The following BTNL9 variants were observed in gnomAD, a reference collection of about 807,000 sequenced individuals.
BTNL9 encodes butyrophilin like 9, also known as butyrophilin-like protein 9.
A neutral mutation model predicts 45.8 loss-of-function variants in BTNL9; 45 were observed. That is an observed-to-expected ratio of 0.98 (90% CI 0.77 to 1.26). The LOEUF (loss-of-function observed/expected upper bound fraction) is 1.26. BTNL9 is among the 50% of genes most tolerant of loss of function. The pLI, the probability that BTNL9 is intolerant of heterozygous loss-of-function variation, is 0.00. For synonymous variants in BTNL9, 346 were observed against 330.8 expected (o/e 1.05, Z -0.50); for missense variants, 784 against 729.7 (o/e 1.07, Z -0.86).
chr5:181,047,894 G>T (rs745771603), intron 2 of BTNL9, 33 bp from the exon 3 acceptor site: 39 of 1,576,226 alleles, frequency 2.5e-5, no homozygotes, highest in Non-Finnish European at 3.3e-5. Context: ...TTGGATGAGG[G>T]TTGCTTTTGC....
rs767973902 is a variant in BTNL9, at chr5:181,053,450, C to G, written c.854-19C>G. ...GCGGGGGCGCGCACTCAGCCCTCTC[C>G]GCTCCCGTTTCCCTTCAGAAAAGCT... On this transcript the variant is annotated intron_variant, in intron 5 of 10. Transcript: ENST00000327705. The surrounding 1 kb of genome is among the most constrained non-coding windows in gnomAD (Gnocchi z 6.5). 60 of 1,562,416 alleles carry G rather than the reference C, an allele frequency of 3.8e-5. No homozygotes were observed. The highest frequency in any genetic ancestry group is 1.8e-4 in the Middle Eastern group (1 of 5,414).
chr5:181,053,017 CCG>C lies in BTNL9; in HGVS notation c.737-175_737-174del, dbSNP rs570719892. ...CCGCGGCGCGCCCCCGCCCCCTCCGCCGCGCGCGCCCCCGCCCCCTCCGCCGC... is the reference window on the plus strand; with the variant it reads ...CCGCGGCGCGCCCCCGCCCCCTCCGCCGCGCGCCCCCGCCCCCTCCGCCGC... On this transcript the variant is annotated intron_variant, in intron 4 of 10. Transcript: ENST00000327705. This position sits in a 1 kb window ranked among gnomAD's most constrained non-coding sequence, Gnocchi z 6.5. 0.013 allele frequency: 1,890 copies of C among 149,350 alleles called. 15 individuals are homozygous for C. The highest frequency in any genetic ancestry group is 0.016 in the Non-Finnish European group (1,306 of 79,162). The allele number at this position is 149,350 out of a possible 1,614,324, so 9.3% of individuals were successfully genotyped here.
chr5:181,054,986 C>A, intron 7 of BTNL9: 1 of 985,430 alleles, frequency 1.0e-6, no homozygotes, highest in Non-Finnish European at 1.2e-6. Flanking sequence ...ATGTTGGAGT[C>A]CTTGGTAATT....
intron 9 of BTNL9, chr5:181,056,518 GT>G: frequency 1.4e-6 from 1 of 717,040 alleles, no homozygotes. Flanking sequence ...CATTCAGTCT[GT>G]TTTTCCTCCT....
At chr5:181,056,130 A>G in intron 9 of BTNL9, 115 bp downstream of exon 9, 1 of 1,182,088 alleles carries the variant, frequency 8.5e-7, no homozygotes, top group Non-Finnish European at 1.3e-6. Flanking sequence ...GGCCTCACAC[A>G]GCATGTGTTA....
chr5:181,049,589 T>G (rs1173147325), intron 3 of BTNL9, among the ~76,000 whole-genome samples: 1 of 152,188 alleles, frequency 6.6e-6, no homozygotes, highest in Non-Finnish European at 1.5e-5. Context: ...GGATGGCGCT[T>G]TTTTCCTGAT....
At chr5:181,058,094 A>G (rs919060581) in intron 9 of BTNL9, among the ~76,000 whole-genome samples, 1 of 151,806 alleles carries the variant, frequency 6.6e-6, no homozygotes, top group Non-Finnish European at 1.5e-5. Context: ...TACATGCTCC[A>G]CTCTCCTGCT....
rs761211952 is a variant in BTNL9, at chr5:181,059,830, G to A, written c.1576G>A (p.Glu526Lys). ...CAGTGACACCTGGCTACAGCCCTAT[G>A]AGCCCGCGGACCCCGCCCTGGACTG... ...NDSDTWLQPY[E>K]PADPALDWW Residue 526 changes from glutamate to lysine, a missense_variant, in exon 11 of 11, where the codon GAG becomes AAG. By Grantham distance (56) the Glu-to-Lys change is moderately conservative (BLOSUM62 1). Coordinates refer to ENST00000327705, the MANE Select transcript of BTNL9 (RefSeq NM_152547.5). The A allele has an allele frequency of 4.4e-6, 7 of 1,589,608 alleles. No individual in the cohort carries two copies. The East Asian group carries it at 1.1e-4, about 26-fold the overall frequency.
chr5:181,058,686 C>T (rs1231014366), intron 10 of BTNL9, among the ~76,000 whole-genome samples: 1 of 152,084 alleles, frequency 6.6e-6, no homozygotes, highest in Non-Finnish European at 1.5e-5. Flanking sequence ...CCCAGATTCT[C>T]TGACGAAGGG....
intron 7 of BTNL9, chr5:181,054,518 G>T: frequency 1.0e-6 from 1 of 985,378 alleles, no homozygotes; most frequent in Non-Finnish European, 1.2e-6. Context: ...ATCATAAAAC[G>T]TTTACTGTCT....
intron 4 of BTNL9, among the ~76,000 whole-genome samples, chr5:181,051,496 C>T (rs1320015710): frequency 1.3e-5 from 2 of 152,130 alleles, no homozygotes; most frequent in African/African-American, 2.4e-5. Flanking sequence ...TTCTAAATTC[C>T]GTGGGAATTG....
chr5:181,045,646 C>T (rs767747403), intron 2 of BTNL9, 48 bp downstream of exon 2: 7 of 1,426,250 alleles, frequency 4.9e-6, no homozygotes, highest in African/African-American at 2.8e-5. Context: ...GCCACCCCTC[C>T]TGCCAGGTGC....
Position 181,048,218 on chromosome 5 carries a change from G to A in BTNL9, c.401G>A (p.Arg134His), listed in dbSNP as rs756066708. Residue 134 changes from arginine (R) to histidine (H), a missense_variant, in exon 3 of 11, where the codon CGC becomes CAC. By Grantham distance (29) the Arg-to-His change is conservative. Transcript: ENST00000327705. ...IPSDKGTYGC[R>H]FHSDNFSGEA... ...TCTGACAAGGGCACATATGGCTGCC[G>A]CTTCCACTCCGACAACTTCTCTGGC... The A allele has an allele frequency of 4.3e-5, 70 of 1,612,744 alleles. No individual in the cohort carries two copies. The highest frequency in any genetic ancestry group is 6.7e-5 in the African/African-American group (5 of 74,924).
Position 181,055,304 on chromosome 5 carries a change from A to G in BTNL9, c.908-129A>G. On this transcript the variant is annotated intron_variant, in intron 7 of 10. Transcript: ENST00000327705. The surrounding 1 kb of genome is among the most constrained non-coding windows in gnomAD (Gnocchi z 4.4). ...AATGAAGGGGCAAAGAGGAAGCTGTAAAAAAAAAAAAATGAAGCTGTGATT... is the reference window on the plus strand; with the variant it reads ...AATGAAGGGGCAAAGAGGAAGCTGTGAAAAAAAAAAAATGAAGCTGTGATT... The G allele has an allele frequency of 6.0e-6, 2 of 332,098 alleles. No homozygotes were observed. Among genetic ancestry groups the G allele is most frequent in the African/African-American group, 5.2e-5 (2 of 38,290 alleles). 20.6% of individuals were successfully genotyped at this position (332,098 alleles called of 1,614,324 possible).
At chr5:181,051,754 AAG>A (rs10545709) in intron 4 of BTNL9, among the ~76,000 whole-genome samples, 75,449 of 151,848 alleles carry the variant, frequency 0.5, 18,937 homozygotes, top group African/African-American at 0.53. Context: ...GGGAAGAGGA[AAG>A]AGTCTCTCTT....
chr5:181,054,020 G>A, intron 6 of BTNL9: 1 of 1,541,402 alleles, frequency 6.5e-7, no homozygotes, highest in South Asian at 1.2e-5. Flanking sequence ...GAGGGCGCTG[G>A]GTCACCCTCC....
Position 181,053,052 on chromosome 5 carries a change from C to T in BTNL9, c.737-148C>T. The T allele has an allele frequency of 2.1e-6, 1 of 480,488 alleles. No individual in the cohort carries two copies. The highest frequency in any genetic ancestry group is 3.3e-6 in the Non-Finnish European group (1 of 305,904). The allele number at this position is 480,488 out of a possible 1,614,324, so 29.8% of individuals were successfully genotyped here. On this transcript the variant is annotated intron_variant, in intron 4 of 10. Transcript: ENST00000327705. The surrounding 1 kb of genome is among the most constrained non-coding windows in gnomAD (Gnocchi z 6.5). ...CCCCGCCCCCTCCGCCGCGCGCGCT[C>T]CCGCTCCACGCCCGTTTCCCAGGCG... is the stretch of plus-strand genomic sequence containing the variant.
At chr5:181,047,756 G>GT (rs1390734227) in intron 2 of BTNL9, among the ~76,000 whole-genome samples, 171 bp from the exon 3 acceptor site, 1 of 152,118 alleles carries the variant, frequency 6.6e-6, no homozygotes, top group South Asian at 2.1e-4. Context: ...TGCACTCAAC[G>GT]TTTTTTCGTA....
chr5:181,055,044 C>T lies in BTNL9; in HGVS notation c.908-389C>T, dbSNP rs1582144753. 3 of 985,320 alleles carry T rather than the reference C, an allele frequency of 3.0e-6. No homozygotes were observed. The highest frequency in any genetic ancestry group is 1.2e-4 in the Admixed American group (2 of 16,270). 61.0% of individuals were successfully genotyped at this position (985,320 alleles called of 1,614,324 possible). A position where few individuals can be genotyped will look rare whatever the true frequency, so the allele number is the denominator to read the frequency against. ...GATGTCCTTCCAGTCCTTCAGATAA[C>T]GCACCCGGTGAGTGACCGTGAGGCT... On this transcript the variant is annotated intron_variant, in intron 7 of 10. Coordinates refer to ENST00000327705, the MANE Select transcript of BTNL9 (RefSeq NM_152547.5). This position sits in a 1 kb window ranked among gnomAD's most constrained non-coding sequence, Gnocchi z 4.4.
Sources: allele counts gnomAD v4.1 joint callset (sites outside exome capture counted in the v4.1 genomes callset), GRCh38; gene constraint gnomAD v4.1.1; non-coding constraint Gnocchi (gnomAD v3.1); transcripts MANE v1.5; gene names NCBI Gene and HGNC (gene_info 2026-07-23, HGNC 2026-07-21).